PI4KA: variants seen among roughly 807,000 people sequenced by gnomAD.
The protein encoded by PI4KA is PI4-kinase alpha.
In PI4KA, 122 loss-of-function variants were observed where a neutral mutation model predicts 271.4. That is an observed-to-expected ratio of 0.45 (90% CI 0.39 to 0.52). PI4KA has a LOEUF of 0.52. Ranked by LOEUF, PI4KA falls within the 20% of genes least tolerant of loss-of-function variation. The pLI, the probability that PI4KA is intolerant of heterozygous loss-of-function variation, is 0.00. For missense variants in PI4KA, 1,969 were observed against 2,769.1 expected (o/e 0.71, Z 6.48); for synonymous variants, 1,041 against 1,078.8 (o/e 0.96, Z 0.69).
chr22:20,849,851 C>T (rs781050433), intron 1 of PI4KA, among the ~76,000 whole-genome samples: 29 of 151,680 alleles, frequency 1.9e-4, no homozygotes, highest in Non-Finnish European at 3.8e-4. Flanking sequence ...GAAACTCTGT[C>T]TCAAAAAAAA....
chr22:20,780,227 C>T (rs768819701), intron 19 of PI4KA: 4 of 1,614,168 alleles, frequency 2.5e-6, no homozygotes, highest in Non-Finnish European at 3.4e-6. Context: ...ACAGTTCTCA[C>T]AGCAAACCCA....
chr22:20,856,236 TGA>T (rs1489416338), intron 1 of PI4KA, among the ~76,000 whole-genome samples: 1 of 151,764 alleles, frequency 6.6e-6, no homozygotes, highest in African/African-American at 2.4e-5. Flanking sequence ...AGCTTGAAAC[TGA>T]GAGGCAGAGG....
intron 23 of PI4KA, among the ~76,000 whole-genome samples, chr22:20,756,002 T>C (rs1324790191): frequency 6.6e-6 from 1 of 151,992 alleles, no homozygotes; most frequent in Non-Finnish European, 1.5e-5. Flanking sequence ...TGCTATCAGC[T>C]TGGCACCTCA....
At chr22:20,779,413 C>T (rs759361159) in intron 19 of PI4KA, 1 of 1,614,236 alleles carries the variant, frequency 6.2e-7, no homozygotes, top group Non-Finnish European at 8.5e-7. Flanking sequence ...GGAGGGGAAA[C>T]TGCTCAGTCT....
chr22:20,833,097 T>C (rs1924400094), intron 3 of PI4KA, among the ~76,000 whole-genome samples: 1 of 152,062 alleles, frequency 6.6e-6, no homozygotes, highest in Non-Finnish European at 1.5e-5. Context: ...TTTGATGTCT[T>C]TGGGGGTTTG....
chr22:20,786,808 T>G (rs1385451763), intron 19 of PI4KA: 15 of 1,449,468 alleles, frequency 1.0e-5, no homozygotes, highest in Non-Finnish European at 1.4e-5. Flanking sequence ...TGATATGAGA[T>G]TGTGCTGGGA....
chr22:20,758,496 G>A (rs1285828254), intron 23 of PI4KA, among the ~76,000 whole-genome samples: 1 of 92,406 alleles, frequency 1.1e-5, no homozygotes, highest in Non-Finnish European at 2.1e-5. Flanking sequence ...GCTATCGTTA[G>A]TGTTAGTATG....
chr22:20,804,978 C>T lies in PI4KA; in HGVS notation c.1356G>A (p.Glu452=). 4.3e-6 allele frequency: 7 copies of T among 1,611,472 alleles called. No individual in the cohort carries two copies. The highest frequency in any genetic ancestry group is 5.9e-6 in the Non-Finnish European group (7 of 1,178,362). ...VDLMVWAVKD[E]QGAENLCIKL... ...AGGCAAGGCAGTCTGTCTCACCCTG[C>T]TCGTCCTTCACAGCCCACACCATGA... Residue 452 remains glutamate, a synonymous_variant, in exon 11 of 55, where the codon GAG becomes GAA. Transcript: ENST00000255882.
chr22:20,849,506 A>G (rs1926690909), intron 1 of PI4KA, among the ~76,000 whole-genome samples: 1 of 152,238 alleles, frequency 6.6e-6, no homozygotes, highest in South Asian at 2.1e-4. Flanking sequence ...TTTAGTAATA[A>G]AAATGAAGTA....
At chr22:20,846,263 C>CAAAAAA (rs361641) in intron 1 of PI4KA, among the ~76,000 whole-genome samples, 12 of 82,000 alleles carry the variant, frequency 1.5e-4, no homozygotes, top group South Asian at 4.1e-4. Context: ...GACTCTATCT[C>CAAAAAA]AAAAAAAAAA....
At chr22:20,737,611 C>T (rs906914506) in intron 32 of PI4KA, among the ~76,000 whole-genome samples, 9 of 150,296 alleles carry the variant, frequency 6.0e-5, no homozygotes, top group Non-Finnish European at 1.2e-4. Flanking sequence ...GAAATGGGAA[C>T]GGCTACAGCC....
chr22:20,838,304 C>CCCTG (rs1925138434), intron 2 of PI4KA, among the ~76,000 whole-genome samples: 1 of 152,134 alleles, frequency 6.6e-6, no homozygotes, highest in African/African-American at 2.4e-5. Context: ...ACCAAACCTA[C>CCCTG]CCTGGAAGGC....
In PI4KA at chr22:20,796,238, G is replaced by A; in HGVS notation, c.2185C>T (p.Leu729=). 6.2e-7 allele frequency: 1 copy of A among 1,614,136 alleles called. No individual in the cohort carries two copies. Among genetic ancestry groups the A allele is most frequent in the Non-Finnish European group, 8.5e-7 (1 of 1,179,996 alleles). ...NIQDEHLVDE[L]LMNLLELFVQ... ...AACAACTCCAACAGGTTCATGAGCA[G>A]CTCATCCACCAGGTGCTCGTCTTGG... is the stretch of plus-strand genomic sequence containing the variant. Residue 729 remains leucine (L), a synonymous_variant, in exon 18 of 55, where the codon CTG becomes TTG. Transcript: ENST00000255882.
At chr22:20,723,207 A>G (rs993828085) in intron 42 of PI4KA, among the ~76,000 whole-genome samples, 2 of 151,580 alleles carry the variant, frequency 1.3e-5, no homozygotes, top group Non-Finnish European at 2.9e-5. Flanking sequence ...TTTTTAGTAG[A>G]GACGGGGTTT....
At chr22:20,737,975 C>T (rs1008288475) in intron 32 of PI4KA, among the ~76,000 whole-genome samples, 2 of 152,186 alleles carry the variant, frequency 1.3e-5, no homozygotes, top group African/African-American at 4.8e-5. Flanking sequence ...GAGGCTGAAG[C>T]AGCATATGGA....
chr22:20,727,581 C>T, intron 40 of PI4KA, 184 bp from the exon 41 acceptor site: 1 of 684,204 alleles, frequency 1.5e-6, no homozygotes, highest in Non-Finnish European at 2.4e-6. Context: ...AAGTGCATTA[C>T]ATTTTTTTCT....
At chr22:20,729,271 T>C in intron 39 of PI4KA, 42 bp downstream of exon 39, 1 of 1,576,044 alleles carries the variant, frequency 6.3e-7, no homozygotes, top group Non-Finnish European at 8.6e-7. Context: ...GCGCTGGACC[T>C]CTGGTGAGGC....
chr22:20,713,447 G>A (rs1298296109), intron 47 of PI4KA, 57 bp from the exon 48 acceptor site: 2 of 1,348,426 alleles, frequency 1.5e-6, no homozygotes, highest in African/African-American at 2.9e-5. Flanking sequence ...GCCCTCTGAG[G>A]GGGCCAGGGA....
chr22:20,739,278 G>A lies in PI4KA; in HGVS notation c.3741+2950C>T, dbSNP rs568760920. On this transcript the variant is annotated intron_variant, in intron 32 of 54. Coordinates refer to ENST00000255882, the MANE Select transcript of PI4KA (RefSeq NM_058004.4). ...GGAGAATGGCGTGAACCCGGGAGGCGGAGTGAGCCAAGATCGGGCCACTGC... is the reference window on the plus strand; with the variant it reads ...GGAGAATGGCGTGAACCCGGGAGGCAGAGTGAGCCAAGATCGGGCCACTGC... Among the ~76,000 whole-genome samples the A allele has an allele frequency of 2.2e-3, 329 of 151,308 alleles. 4 individuals are homozygous for A. The highest frequency in any genetic ancestry group is 3.8e-3 in the Non-Finnish European group (258 of 67,826).
Sources: gnomAD v4.1 joint callset for allele counts (sites outside exome capture counted in the v4.1 genomes callset) on GRCh38, gnomAD v4.1.1 for gene constraint, MANE v1.5 for transcripts, NCBI Gene and HGNC (gene_info 2026-07-23, HGNC 2026-07-21) for gene names.